Variants in LARGE1 observed in about 807,000 individuals in gnomAD.
The protein encoded by LARGE1 is xylosyl- and glucuronyltransferase LARGE1.
Under a neutral mutation model 87.6 loss-of-function variants are expected in LARGE1, and 43 were observed. That is an observed-to-expected ratio of 0.49 (90% CI 0.38 to 0.63). The LOEUF (loss-of-function observed/expected upper bound fraction) is 0.63, where lower values mean the gene tolerates loss of function less well. Ranked by LOEUF, LARGE1 falls within the 30% of genes least tolerant of loss-of-function variation. The pLI, the probability that LARGE1 is intolerant of heterozygous loss-of-function variation, is 0.00. For missense variants in LARGE1, 802 were observed against 1,000.2 expected, an observed-to-expected ratio of 0.80 and a Z score of 2.67; for synonymous variants, 434 against 394.6, an observed-to-expected ratio of 1.10 and a Z score of -1.18.
intron 5 of LARGE1, among the ~76,000 whole-genome samples, chr22:33,582,360 G>T (rs887490732): frequency 2.0e-5 from 3 of 151,566 alleles, no homozygotes; most frequent in Non-Finnish European, 4.4e-5. Context: ...TTGACCTAAT[G>T]GAAAACATTG....
At chr22:33,221,265 C>T (rs1308808630) in intron 11 of LARGE1, among the ~76,000 whole-genome samples, 5 of 152,178 alleles carry the variant, frequency 3.3e-5, no homozygotes, top group African/African-American at 1.2e-4. Context: ...GTGTACATCT[C>T]TAGCAAGGTC....
chr22:33,316,302 C>T (rs573437146), intron 10 of LARGE1, 54 bp from the exon 11 acceptor site: 3 of 1,584,770 alleles, frequency 1.9e-6, no homozygotes, highest in Non-Finnish European at 2.6e-6. Flanking sequence ...CGAGGGGGCC[C>T]ATGAGCTTGC....
chr22:33,762,687 C>T (rs527244835), intron 1 of LARGE1, among the ~76,000 whole-genome samples: 6 of 152,236 alleles, frequency 3.9e-5, no homozygotes, highest in South Asian at 2.1e-4. Context: ...GAAGACTGGC[C>T]GTGATGTGTC....
chr22:33,302,379 T>C (rs1219685538), intron 12 of LARGE1, among the ~76,000 whole-genome samples: 1 of 152,146 alleles, frequency 6.6e-6, no homozygotes. Flanking sequence ...TAGGGGTCGC[T>C]GACCCTACTG....
At chr22:33,593,894 G>A (rs776333218) in intron 5 of LARGE1, among the ~76,000 whole-genome samples, 3 of 152,138 alleles carry the variant, frequency 2.0e-5, no homozygotes, top group Non-Finnish European at 4.4e-5. Flanking sequence ...ATCGGGTAGC[G>A]CTGCTCAAGA....
At position 33,337,805 on chromosome 22, in the gene LARGE1, G is replaced by A. The variant is rs779892333; in HGVS notation, c.1132-4C>T. 5.6e-6 allele frequency: 9 copies of A among 1,614,124 alleles called. No individual in the cohort carries two copies. The South Asian group carries it at 7.7e-5, about 14-fold the overall frequency. ...TGGGGGAGTTCCAGTGAATGACCTG[G>A]CAGGGAGATAAGGAAGTGGTCAGGT... On this transcript the variant is annotated splice_polypyrimidine_tract_variant and splice_region_variant and intron_variant, in intron 9 of 14. Coordinates refer to ENST00000397394, the MANE Select transcript of LARGE1 (RefSeq NM_133642.5).
intron 13 of LARGE1, among the ~76,000 whole-genome samples, chr22:33,282,087 G>C (rs757074067): frequency 6.6e-6 from 1 of 152,238 alleles, no homozygotes; most frequent in African/African-American, 2.4e-5. Flanking sequence ...GCTTAGGCCT[G>C]TAATCCCAGC....
intron 11 of LARGE1, among the ~76,000 whole-genome samples, chr22:33,199,843 CTTTT>C (rs3071494): frequency 0.031 from 4,567 of 146,750 alleles, 92 homozygotes; most frequent in Admixed American, 0.057. Context: ...CGTGCAGACA[CTTTT>C]TTTTTTTTTT....
chr22:33,783,790 C>G (rs1255499431), intron 1 of LARGE1, among the ~76,000 whole-genome samples: 1 of 152,134 alleles, frequency 6.6e-6, no homozygotes, highest in African/African-American at 2.4e-5. Context: ...CTGCATGATT[C>G]TGACAATCAC....
chr22:33,334,978 G>A (rs904461060), intron 10 of LARGE1, among the ~76,000 whole-genome samples: 2 of 152,230 alleles, frequency 1.3e-5, no homozygotes, highest in Non-Finnish European at 2.9e-5. Context: ...GGTAGGAAAA[G>A]CTGGTGAGTC....
chr22:33,752,575 T>C (rs941011507), intron 2 of LARGE1, among the ~76,000 whole-genome samples: 1 of 152,222 alleles, frequency 6.6e-6, no homozygotes, highest in African/African-American at 2.4e-5. Context: ...CTAAATACAG[T>C]GCCTTTCTCA....
intron 6 of LARGE1, among the ~76,000 whole-genome samples, chr22:33,499,313 A>C (rs544954933): frequency 2.0e-5 from 3 of 152,350 alleles, no homozygotes; most frequent in African/African-American, 7.2e-5. Flanking sequence ...CGTTCGGTTT[A>C]GATGGGACTG....
chr22:33,096,566 GTTTT>G, the LARGE1 span, among the ~76,000 whole-genome samples: 20,779 of 107,782 alleles, frequency 0.19, 1,595 homozygotes, highest in East Asian at 0.4. Flanking sequence ...TTTTGTTTTT[GTTTT>G]TTTTTTTTTT....
At chr22:33,734,828 A>G (rs1369685632) in intron 2 of LARGE1, among the ~76,000 whole-genome samples, 1 of 152,098 alleles carries the variant, frequency 6.6e-6, no homozygotes, top group Non-Finnish European at 1.5e-5. Context: ...AGGGGTTCAG[A>G]GACATAGGCA....
intron 1 of LARGE1, among the ~76,000 whole-genome samples, chr22:33,772,676 A>G (rs238864): frequency 0.73 from 110,454 of 151,982 alleles, 40,551 homozygotes; most frequent in East Asian, 0.8. Flanking sequence ...TGCTGCGGTC[A>G]TTTTCTTCAT....
intron 2 of LARGE1, chr22:33,750,950 T>C (rs2084292952): frequency 6.6e-6 from 1 of 152,222 alleles, no homozygotes; most frequent in Non-Finnish European, 1.5e-5. Flanking sequence ...TAAAAAGCAT[T>C]TGAACTTCAA....
intron 9 of LARGE1, among the ~76,000 whole-genome samples, chr22:33,341,817 G>C (rs1939178166): frequency 6.6e-6 from 1 of 152,318 alleles, no homozygotes; most frequent in South Asian, 2.1e-4. Flanking sequence ...AAGTAGGTAA[G>C]AGGGTTAAAC....
rs1555983855 is a variant in LARGE1 at position 33,650,439 on chromosome 22, C to T, written c.336G>A (p.Glu112=). 2 of 1,614,176 alleles carry T rather than the reference C, an allele frequency of 1.2e-6. No individual in the cohort carries two copies. Among genetic ancestry groups the T allele is most frequent in the Non-Finnish European group, 1.7e-6 (2 of 1,180,052 alleles). Residue 112 remains glutamate, a synonymous_variant, in exon 3 of 15, where the codon GAG becomes GAA. Coordinates refer to ENST00000397394, the MANE Select transcript of LARGE1 (RefSeq NM_133642.5). The stretch of plus-strand genomic sequence containing the variant: ...CTGCCACGATGCCAGCCCGAAGGTT[C>T]TCGCTGTCTCCAGTGCCCTCCTCCA... ...YSMEEGTGDS[E]NLRAGIVAGN... is the part of the protein sequence containing the mutation.
At chr22:33,874,199 G>A (rs1237561132) in intron 1 of LARGE1, among the ~76,000 whole-genome samples, 1 of 152,182 alleles carries the variant, frequency 6.6e-6, no homozygotes, top group Non-Finnish European at 1.5e-5. Context: ...TCCGGGGACA[G>A]GACCTAAGAC....
Sources: allele counts gnomAD v4.1 joint callset (sites outside exome capture counted in the v4.1 genomes callset), GRCh38; gene constraint gnomAD v4.1.1; transcripts MANE v1.5; gene names NCBI Gene and HGNC (gene_info 2026-07-23, HGNC 2026-07-21).